The following ARHGEF11 variants were observed in gnomAD, a reference collection of about 807,000 sequenced individuals.
ARHGEF11 encodes the protein Rho guanine exchange factor (GEF) 11.
In ARHGEF11, 55 loss-of-function variants were observed where a neutral mutation model predicts 193.7. The ratio of observed to expected loss-of-function variants is 0.28; its 90% CI spans 0.23 to 0.36. ARHGEF11 has a LOEUF of 0.36. ARHGEF11 is among the 10% of genes least tolerant of loss of function. The pLI is 1.00. For missense variants in ARHGEF11, 1,723 were observed against 2,005.6 expected, an observed-to-expected ratio of 0.86 and a Z score of 2.69; for synonymous variants, 693 against 768.0, an observed-to-expected ratio of 0.90 and a Z score of 1.62.
chr1:156,980,605 C>A, intron 3 of ARHGEF11, 119 bp from the exon 4 acceptor site: 1 of 1,164,076 alleles, frequency 8.6e-7, no homozygotes, highest in Non-Finnish European at 1.2e-6. Context: ...TGTTAAGTAT[C>A]TCAAATTCTG....
intron 11 of ARHGEF11, among the ~76,000 whole-genome samples, chr1:156,965,224 CCA>C (rs1661525073): frequency 6.6e-6 from 1 of 152,142 alleles, no homozygotes; most frequent in Admixed American, 6.5e-5. Flanking sequence ...ACTATTGACC[CCA>C]CACCTGCTTC....
intron 21 of ARHGEF11, among the ~76,000 whole-genome samples, chr1:156,953,735 C>T (rs895340442): frequency 6.6e-6 from 1 of 152,078 alleles, no homozygotes; most frequent in Non-Finnish European, 1.5e-5. Flanking sequence ...ATCAGTTGCA[C>T]GCATATGGAC....
intron 1 of ARHGEF11, among the ~76,000 whole-genome samples, chr1:156,996,793 A>G (rs1446676920): frequency 1.4e-5 from 2 of 147,814 alleles, no homozygotes; most frequent in African/African-American, 5.0e-5. Context: ...AAAAAAAAAA[A>G]AGACAAGGGT....
chr1:157,033,368 CTCTGA>C (rs1357029290), intron 1 of ARHGEF11, among the ~76,000 whole-genome samples: 3 of 152,100 alleles, frequency 2.0e-5, no homozygotes, highest in African/African-American at 7.2e-5. Flanking sequence ...ACTTCGTAAC[CTCTGA>C]TCTCTCATTT....
chr1:156,939,314 G>C (rs1656243843), intron 37 of ARHGEF11: 1 of 587,076 alleles, frequency 1.7e-6, no homozygotes, highest in Non-Finnish European at 3.0e-6. Context: ...AGATGATTCA[G>C]AATTTTGTCT....
chr1:156,986,200 C>A, intron 1 of ARHGEF11, 27 bp from the exon 2 acceptor site: 1 of 1,583,400 alleles, frequency 6.3e-7, no homozygotes, highest in South Asian at 1.1e-5. Context: ...GAAAGCATGT[C>A]AATGAGCTCA....
In ARHGEF11 at chr1:156,978,274, A is replaced by C. The variant is rs746219893; in HGVS notation, c.440T>G (p.Val147Gly). 16 of 1,613,990 alleles carry C rather than the reference A, an allele frequency of 9.9e-6. No individual in the cohort carries two copies. The highest frequency in any genetic ancestry group is 2.7e-5 in the African/African-American group (2 of 74,928). The stretch of plus-strand genomic sequence containing the variant: ...TGGAGGAGGTGGTGGTGAGGGGATC[A>C]CTGACGTGATTCGGGGAGCTCCTGC... The part of the protein sequence containing the change: ...SPAGAPRITS[V>G]IPSPPPPPPL... The change falls in exon 6 of 41, where the codon GTG becomes GGG. Residue 147 changes from valine (V) to glycine (G), a missense_variant. By Grantham distance (109) the Val-to-Gly change is moderately radical. Around this residue, in one of 5 missense-constraint regions of ARHGEF11, gnomAD observed 646 missense variants for 710.7 expected, o/e 0.91. Transcript: ENST00000368194.
At chr1:157,035,309 T>A (rs888031979) in intron 1 of ARHGEF11, among the ~76,000 whole-genome samples, 2 of 152,034 alleles carry the variant, frequency 1.3e-5, no homozygotes, top group Non-Finnish European at 2.9e-5. Flanking sequence ...TAGTGGCAGC[T>A]GAGGAGAGTT....
chr1:156,942,789 G>A lies in ARHGEF11; in HGVS notation c.3236-9C>T. On this transcript the variant is annotated splice_polypyrimidine_tract_variant and intron_variant, in intron 32 of 40. Transcript: ENST00000368194. ...GAAGAAGGCCCGTTTATCTGTGTGA[G>A]GAAAGGAAGGTAGAAGGGTCTGTAC... The A allele has an allele frequency of 6.2e-7, 1 of 1,613,192 alleles. No homozygotes were observed.
At chr1:156,956,652 G>T (rs1660004604) in intron 18 of ARHGEF11, 88 bp from the exon 19 acceptor site, 11 of 1,557,026 alleles carry the variant, frequency 7.1e-6, no homozygotes, top group African/African-American at 1.4e-5. Flanking sequence ...GCAGTGGAGT[G>T]GGGAAGGGGT....
intron 1 of ARHGEF11, among the ~76,000 whole-genome samples, chr1:157,027,976 T>C (rs1226648935): frequency 6.6e-6 from 1 of 152,186 alleles, no homozygotes; most frequent in African/African-American, 2.4e-5. Flanking sequence ...AAGCCCCAGC[T>C]GTTTGAGCCC....
chr1:156,940,433 G>T lies in ARHGEF11; in HGVS notation c.3515-8C>A. 1 of 1,593,074 alleles carries T rather than the reference G, an allele frequency of 6.3e-7. No homozygotes were observed. ...TCTGCTGGGACCCAGTGCCTGTTTC[G>T]GATGAGAGAAGATTGTAAGGCAGGG... On this transcript the variant is annotated splice_polypyrimidine_tract_variant and splice_region_variant and intron_variant, in intron 35 of 40. Transcript: ENST00000368194.
intron 13 of ARHGEF11, among the ~76,000 whole-genome samples, 197 bp from the exon 14 acceptor site, chr1:156,961,972 A>G (rs944702899): frequency 2.0e-5 from 3 of 152,318 alleles, no homozygotes; most frequent in Non-Finnish European, 4.4e-5. Flanking sequence ...GTCTACCACA[A>G]CAAAGAATTC....
At chr1:157,037,719 T>C (rs1273473351) in intron 1 of ARHGEF11, among the ~76,000 whole-genome samples, 1 of 152,128 alleles carries the variant, frequency 6.6e-6, no homozygotes, top group Non-Finnish European at 1.5e-5. Context: ...GCTTTGTTAA[T>C]AACATTTCCC....
intron 3 of ARHGEF11, among the ~76,000 whole-genome samples, chr1:156,983,037 C>T (rs192138974): frequency 1.4e-4 from 22 of 152,296 alleles, no homozygotes; most frequent in African/African-American, 5.3e-4. Context: ...TATATTTTCC[C>T]TCCTGCTCTG....
intron 5 of ARHGEF11, among the ~76,000 whole-genome samples, chr1:156,978,821 C>T (rs926112737): frequency 1.3e-5 from 2 of 152,250 alleles, no homozygotes; most frequent in African/African-American, 4.8e-5. Context: ...AATATTTGTG[C>T]AGACTCAATT....
chr1:157,041,328 T>C (rs1672722120), intron 1 of ARHGEF11, among the ~76,000 whole-genome samples: 1 of 152,200 alleles, frequency 6.6e-6, no homozygotes, highest in Non-Finnish European at 1.5e-5. Flanking sequence ...GAAAGGGACA[T>C]GAACAGCTAC....
At chr1:156,944,898 G>T in intron 30 of ARHGEF11, 121 bp downstream of exon 30, 1 of 1,328,986 alleles carries the variant, frequency 7.5e-7, no homozygotes, top group Non-Finnish European at 1.0e-6. Flanking sequence ...GGGCTCCATT[G>T]TGCCACCCTA....
intron 1 of ARHGEF11, among the ~76,000 whole-genome samples, chr1:157,018,199 G>T (rs1387562654): frequency 6.6e-6 from 1 of 152,040 alleles, no homozygotes; most frequent in Non-Finnish European, 1.5e-5. Context: ...AATAAAAGAA[G>T]AAATACATGG....
Sources: allele counts gnomAD v4.1 joint callset (sites outside exome capture counted in the v4.1 genomes callset), GRCh38; gene constraint gnomAD v4.1.1; regional missense constraint gnomAD v4.1.1; transcripts MANE v1.5; gene names NCBI Gene and HGNC (gene_info 2026-07-23, HGNC 2026-07-21).